The following PACRG variants were observed in gnomAD, a reference collection of about 807,000 sequenced individuals.
PACRG encodes the protein parkin coregulated gene protein.
Under a neutral mutation model 29.7 loss-of-function variants are expected in PACRG, and 29 were observed. That is an observed-to-expected ratio of 0.98 (90% confidence interval 0.73 to 1.33). The LOEUF is 1.33. PACRG is among the 40% of genes most tolerant of loss of function. The pLI is 0.00. For synonymous variants in PACRG, 116 were observed against 118.7 expected, an observed-to-expected ratio of 0.98 and a Z score of 0.15; for missense variants, 279 against 316.2, an observed-to-expected ratio of 0.88 and a Z score of 0.89.
rs182000803 is a variant in PACRG, at chr6:163,098,322, C to T, written c.613+8914C>T. 2.4e-3 allele frequency among the ~76,000 whole-genome samples: 368 copies of T among 152,280 alleles called. 1 individual carries two copies. The highest frequency in any genetic ancestry group is 7.8e-3 in the African/African-American group (324 of 41,556). The stretch of plus-strand genomic sequence containing the variant: ...AGCCTGCTTCTCAGCCTACGAGACA[C>T]CCTACTGCCATTCCAGGGACTCTGG... On this transcript the variant is annotated intron_variant, in intron 4 of 4. Transcript: ENST00000366888.
chr6:162,966,297 G>A (rs1411647363), intron 2 of PACRG, among the ~76,000 whole-genome samples: 1 of 152,158 alleles, frequency 6.6e-6, no homozygotes, highest in Non-Finnish European at 1.5e-5. Flanking sequence ...TCCGTTCATT[G>A]GATTTTGCTT....
chr6:163,127,591 T>C (rs967057805), intron 4 of PACRG, among the ~76,000 whole-genome samples: 6 of 152,200 alleles, frequency 3.9e-5, no homozygotes, highest in African/African-American at 1.4e-4. Flanking sequence ...GATTAATTCT[T>C]ATTAGTTTCC....
intron 1 of PACRG, among the ~76,000 whole-genome samples, chr6:162,738,927 C>T (rs1055877981): frequency 1.3e-5 from 2 of 152,220 alleles, no homozygotes; most frequent in Admixed American, 6.5e-5. Flanking sequence ...CTTTTTAGTT[C>T]ATTCTCATAC....
intron 1 of PACRG, among the ~76,000 whole-genome samples, chr6:162,767,964 A>G (rs1050937010): frequency 2.0e-5 from 3 of 151,996 alleles, no homozygotes; most frequent in African/African-American, 7.2e-5. Context: ...TGTGTTTTTC[A>G]CTATTTTAGT....
intron 3 of PACRG, among the ~76,000 whole-genome samples, chr6:163,084,500 A>T (rs1813360228): frequency 6.6e-6 from 1 of 152,162 alleles, no homozygotes; most frequent in African/African-American, 2.4e-5. Context: ...AGGCTTTTAA[A>T]TAGTGCATAT....
intron 2 of PACRG, among the ~76,000 whole-genome samples, chr6:162,948,817 A>C (rs1449995055): frequency 6.6e-6 from 1 of 152,158 alleles, no homozygotes; most frequent in East Asian, 1.9e-4. Context: ...GGGAAATGCA[A>C]ATCAAAACCA....
chr6:162,899,351 A>G (rs4708975), intron 2 of PACRG, among the ~76,000 whole-genome samples: 88,979 of 151,894 alleles, frequency 0.59, 26,686 homozygotes, highest in African/African-American at 0.7. Flanking sequence ...CCACGGGGGG[A>G]AAGCAGCCTC....
chr6:162,902,358 A>G (rs1260312892), intron 2 of PACRG, among the ~76,000 whole-genome samples: 3 of 152,218 alleles, frequency 2.0e-5, no homozygotes, highest in African/African-American at 4.8e-5. Context: ...TCTTAAATAT[A>G]TGGCTGATGA....
At chr6:163,014,775 A>T (rs1283175141) in intron 2 of PACRG, among the ~76,000 whole-genome samples, 1 of 152,108 alleles carries the variant, frequency 6.6e-6, no homozygotes, top group Non-Finnish European at 1.5e-5. Flanking sequence ...TAGTTTGCAA[A>T]TATCTTCTTC....
chr6:162,828,646 T>A (rs190869126), intron 2 of PACRG, among the ~76,000 whole-genome samples: 165 of 152,278 alleles, frequency 1.1e-3, no homozygotes, highest in Middle Eastern at 3.4e-3. Context: ...GAGAGAGTTG[T>A]GAGAGGATAT....
At chr6:162,832,974 A>G (rs1161266022) in intron 2 of PACRG, among the ~76,000 whole-genome samples, 2 of 152,090 alleles carry the variant, frequency 1.3e-5, no homozygotes, top group African/African-American at 4.8e-5. Flanking sequence ...TTTTTATATA[A>G]TTTATGAAAT....
At chr6:163,060,719 C>T (rs1015950483) in intron 2 of PACRG, 9 of 152,082 alleles carry the variant, frequency 5.9e-5, no homozygotes, top group African/African-American at 2.2e-4. Flanking sequence ...GCTTGGGGAA[C>T]TGTAGGAAAT....
intron 4 of PACRG, among the ~76,000 whole-genome samples, chr6:163,260,631 C>G (rs1426445859): frequency 1.3e-5 from 2 of 152,122 alleles, no homozygotes; most frequent in East Asian, 3.9e-4. Flanking sequence ...CTGTGGTCTT[C>G]CCTGGGTAGA....
Position 163,087,920 on chromosome 6 carries a change from A to T in PACRG, c.464-1339A>T, listed in dbSNP as rs990064954. On this transcript the variant is annotated intron_variant, in intron 3 of 4. Transcript: ENST00000366888. Reference sequence around the variant, plus strand: ...GGTGAGGATGGAGAGGGAGACACAAATTCAAGAGATACTGCAAAAGGAAAA... The same window carrying T: ...GGTGAGGATGGAGAGGGAGACACAATTTCAAGAGATACTGCAAAAGGAAAA... 2.0e-5 allele frequency among the ~76,000 whole-genome samples: 3 copies of T among 152,324 alleles called. No individual in the cohort carries two copies. The East Asian group carries it at 5.8e-4, about 29-fold the overall frequency.
rs1562349850 is a variant in PACRG, at chr6:163,269,924, AAGAAAACAAAGAAAGAAAG to A, written c.614-44901_614-44883del. 1.7e-4 allele frequency among the ~76,000 whole-genome samples: 11 copies of A among 66,538 alleles called. 2 individuals carry two copies. Among genetic ancestry groups the A allele is most frequent in the African/African-American group, 8.6e-4 (10 of 11,690 alleles). 43.7% of individuals were successfully genotyped at this position (66,538 alleles called of 152,430 possible). Reference sequence around the variant, plus strand: ...AAAGAAAGAAAGAAAGAAAGAAAGAAAGAAAACAAAGAAAGAAAGAAAGAAAGAAAGAAAGAAAGAAAGA... The same window carrying A: ...AAAGAAAGAAAGAAAGAAAGAAAGAAAAAGAAAGAAAGAAAGAAAGAAAGA... On this transcript the variant is annotated intron_variant, in intron 4 of 4. Transcript: ENST00000366888.
intron 2 of PACRG, among the ~76,000 whole-genome samples, chr6:162,856,899 C>A (rs1040505368): frequency 6.6e-6 from 1 of 152,090 alleles, no homozygotes; most frequent in East Asian, 1.9e-4. Context: ...GTGACTCCAG[C>A]GGGTTTACCT....
intron 2 of PACRG, among the ~76,000 whole-genome samples, chr6:162,951,685 G>A (rs975454924): frequency 5.9e-5 from 9 of 152,070 alleles, no homozygotes; most frequent in South Asian, 2.1e-4. Context: ...TTCAGCTGGG[G>A]GCATACTTTA....
intron 4 of PACRG, among the ~76,000 whole-genome samples, chr6:163,096,963 T>C (rs1463783662): frequency 6.6e-6 from 1 of 152,220 alleles, no homozygotes; most frequent in East Asian, 1.9e-4. Flanking sequence ...TGCTACTAAT[T>C]CCTAATTGCA....
At chr6:163,213,052 A>C (rs1405373712) in intron 4 of PACRG, among the ~76,000 whole-genome samples, 2 of 152,348 alleles carry the variant, frequency 1.3e-5, no homozygotes, top group East Asian at 3.9e-4. Context: ...TGCTGGGATT[A>C]CAGGCATGAG....
Sources: gnomAD v4.1 joint callset for allele counts (sites outside exome capture counted in the v4.1 genomes callset) on GRCh38, gnomAD v4.1.1 for gene constraint, MANE v1.5 for transcripts, NCBI Gene and HGNC (gene_info 2026-07-23, HGNC 2026-07-21) for gene names.